Variants in FARS2 observed in about 807,000 individuals in gnomAD.
FARS2 encodes the protein phenylalanyl-tRNA synthetase 2, mitochondrial, also known as phenylalanine--tRNA ligase, mitochondrial.
A neutral mutation model predicts 46.4 loss-of-function variants in FARS2; 40 were observed. The ratio of observed to expected loss-of-function variants is 0.86; its 90% CI spans 0.67 to 1.12. FARS2 has a LOEUF of 1.12. Ranked by LOEUF, FARS2 falls within the 50% of genes most tolerant of loss-of-function variation. FARS2 has a pLI of 0.00. For missense variants in FARS2, 513 were observed against 567.9 expected, an observed-to-expected ratio of 0.90 and a Z score of 0.98; for synonymous variants, 234 against 214.9, an observed-to-expected ratio of 1.09 and a Z score of -0.78.
At chr6:5,425,979 T>A (rs1026381775) in intron 3 of FARS2, among the ~76,000 whole-genome samples, 1 of 152,264 alleles carries the variant, frequency 6.6e-6, no homozygotes. Context: ...TCCCGCGGTT[T>A]CACAGGAAAA....
intron 1 of FARS2, among the ~76,000 whole-genome samples, chr6:5,360,929 C>A (rs1280109088): frequency 1.3e-5 from 2 of 152,136 alleles, no homozygotes; most frequent in Non-Finnish European, 2.9e-5. Flanking sequence ...CTTATATTAC[C>A]TGAACCAAAG....
intron 1 of FARS2, among the ~76,000 whole-genome samples, chr6:5,317,906 C>G (rs540686809): frequency 6.6e-6 from 1 of 152,174 alleles, no homozygotes; most frequent in Admixed American, 6.5e-5. Flanking sequence ...TGTGCTCTTT[C>G]TCTGGAGGGC....
intron 6 of FARS2, among the ~76,000 whole-genome samples, chr6:5,762,862 G>T (rs186155716): frequency 1.3e-5 from 2 of 152,146 alleles, no homozygotes; most frequent in East Asian, 1.9e-4. Context: ...AGCAGGGAGC[G>T]GCAACACTGG....
At chr6:5,421,290 AG>A (rs1762533417) in intron 3 of FARS2, among the ~76,000 whole-genome samples, 1 of 152,194 alleles carries the variant, frequency 6.6e-6, no homozygotes, top group Admixed American at 6.5e-5. Context: ...CCAAGTCCCT[AG>A]GCTGCACACA....
chr6:5,515,816 A>T (rs1011181076), intron 4 of FARS2, among the ~76,000 whole-genome samples: 10 of 152,356 alleles, frequency 6.6e-5, no homozygotes, highest in Admixed American at 2.6e-4. Flanking sequence ...CTTAAATTTA[A>T]TGTATAATTT....
intron 4 of FARS2, among the ~76,000 whole-genome samples, chr6:5,520,781 C>G (rs1301684810): frequency 6.6e-6 from 1 of 151,650 alleles, no homozygotes; most frequent in Non-Finnish European, 1.5e-5. Context: ...AGAAATATAG[C>G]CCCAAAAGGA....
chr6:5,413,667 G>A (rs759679972), intron 3 of FARS2, among the ~76,000 whole-genome samples: 5 of 152,078 alleles, frequency 3.3e-5, no homozygotes, highest in Non-Finnish European at 7.4e-5. Context: ...TCACTCCTTT[G>A]ACTTGCACTG....
intron 1 of FARS2, among the ~76,000 whole-genome samples, chr6:5,331,492 A>G (rs958939128): frequency 6.6e-5 from 10 of 152,174 alleles, no homozygotes; most frequent in African/African-American, 1.9e-4. Context: ...ATCTGATCAC[A>G]TAAGTTAACT....
chr6:5,487,318 A>G (rs1766831473), intron 4 of FARS2, among the ~76,000 whole-genome samples: 1 of 152,200 alleles, frequency 6.6e-6, no homozygotes, highest in Non-Finnish European at 1.5e-5. Context: ...ATGACTGTAC[A>G]TCCTGAAGCA....
chr6:5,415,295 A>C (rs1427087931), intron 3 of FARS2, among the ~76,000 whole-genome samples: 1 of 97,220 alleles, frequency 1.0e-5, no homozygotes, highest in Non-Finnish European at 2.0e-5. Context: ...TTTAATTTGT[A>C]TTTTCTTTTC....
At chr6:5,449,114 C>T (rs1037647101) in intron 4 of FARS2, among the ~76,000 whole-genome samples, 2 of 152,000 alleles carry the variant, frequency 1.3e-5, no homozygotes, top group African/African-American at 4.8e-5. Context: ...TTTGGGAGGC[C>T]GAGGCGGGCA....
At chr6:5,626,434 C>G (rs1469054054) in intron 6 of FARS2, among the ~76,000 whole-genome samples, 3 of 152,138 alleles carry the variant, frequency 2.0e-5, no homozygotes, top group African/African-American at 7.2e-5. Context: ...TCCCATTGGG[C>G]CCCCAGGGGA....
chr6:5,522,892 A>G (rs1324054693), intron 4 of FARS2, among the ~76,000 whole-genome samples: 1 of 152,258 alleles, frequency 6.6e-6, no homozygotes, highest in Admixed American at 6.5e-5. Flanking sequence ...AAGTATTTAC[A>G]TATTTCAAGT....
At chr6:5,288,328 A>G (rs921089027) in intron 1 of FARS2, among the ~76,000 whole-genome samples, 1 of 152,054 alleles carries the variant, frequency 6.6e-6, no homozygotes, top group Admixed American at 6.6e-5. Context: ...AAATACCCTG[A>G]CCATCCTAGT....
Position 5,366,077 on chromosome 6 carries a change from T to C in FARS2, c.-21-2473T>C, listed in dbSNP as rs1025906193. Reference sequence around the variant, plus strand: ...AGTGTAACTGTTACTGAAAAGAATCTGCATGTAAGTGGATCTGCACAGTTC... The same window carrying C: ...AGTGTAACTGTTACTGAAAAGAATCCGCATGTAAGTGGATCTGCACAGTTC... On this transcript the variant is annotated intron_variant, in intron 1 of 6. Coordinates refer to ENST00000274680, the MANE Select transcript of FARS2 (RefSeq NM_006567.5). Among the ~76,000 whole-genome samples, 3 of 152,156 alleles carry C rather than the reference T, an allele frequency of 2.0e-5. No individual in the cohort carries two copies. In the East Asian group the frequency reaches 5.8e-4, roughly 29 times the overall value.
In FARS2 at chr6:5,489,788, T is replaced by C. The variant is rs187473432; in HGVS notation, c.905-55392T>C. 2.4e-3 allele frequency among the ~76,000 whole-genome samples: 361 copies of C among 152,362 alleles called. 4 individuals carry two copies. Among genetic ancestry groups the C allele is most frequent in the Non-Finnish European group, 3.9e-3 (262 of 68,028 alleles). On this transcript the variant is annotated intron_variant, in intron 4 of 6. Coordinates refer to ENST00000274680, the MANE Select transcript of FARS2 (RefSeq NM_006567.5). ...ATAGAAAGTTTTTGCATTTTATGTA[T>C]AGTGAACTTACGTTGGAATAAATAG... is the stretch of plus-strand genomic sequence containing the variant.
At chr6:5,472,025 C>G (rs1765832654) in intron 4 of FARS2, among the ~76,000 whole-genome samples, 1 of 152,224 alleles carries the variant, frequency 6.6e-6, no homozygotes, top group South Asian at 2.1e-4. Context: ...CTTTTCTCCT[C>G]CTCTTCCTCT....
At chr6:5,498,317 T>C (rs535406494) in intron 4 of FARS2, among the ~76,000 whole-genome samples, 1 of 152,354 alleles carries the variant, frequency 6.6e-6, no homozygotes, top group African/African-American at 2.4e-5. Flanking sequence ...TTTTTCCTTT[T>C]ATTCGTGTCA....
chr6:5,526,863 C>T (rs186375624), intron 4 of FARS2, among the ~76,000 whole-genome samples: 5,685 of 152,154 alleles, frequency 0.037, 144 homozygotes, highest in Middle Eastern at 0.086. Flanking sequence ...ATGATCCGCC[C>T]GCCTCAGCCT....
Sources: gnomAD v4.1 joint callset for allele counts (sites outside exome capture counted in the v4.1 genomes callset) on GRCh38, gnomAD v4.1.1 for gene constraint, MANE v1.5 for transcripts, NCBI Gene and HGNC (gene_info 2026-07-23, HGNC 2026-07-21) for gene names.